The following SHISA9 variants were observed in gnomAD, a reference collection of about 807,000 sequenced individuals.
SHISA9 encodes shisa family member 9.
Under a neutral mutation model 38.0 loss-of-function variants are expected in SHISA9, and 13 were observed. That is an observed-to-expected ratio of 0.34 (90% confidence interval 0.22 to 0.54). SHISA9 has a LOEUF of 0.54. SHISA9 is among the 20% of genes least tolerant of loss of function. The pLI is 0.91. For synonymous variants in SHISA9, 275 were observed against 242.0 expected (o/e 1.14, Z -1.27); for missense variants, 538 against 575.8 (o/e 0.93, Z 0.67).
At chr16:12,950,576 CA>C (rs1427530251) in intron 2 of SHISA9, among the ~76,000 whole-genome samples, 1 of 150,302 alleles carries the variant, frequency 6.7e-6, no homozygotes, top group African/African-American at 2.4e-5. Flanking sequence ...GGAGGTTCCT[CA>C]AAAAACGAAA....
chr16:13,396,642 G>T, the SHISA9 span, among the ~76,000 whole-genome samples: 27 of 152,320 alleles, frequency 1.8e-4, no homozygotes, highest in Admixed American at 5.9e-4. Context: ...CATGTGGATT[G>T]TATTCCTTAT....
chr16:13,269,628 T>G, the SHISA9 span, among the ~76,000 whole-genome samples: 1 of 151,956 alleles, frequency 6.6e-6, no homozygotes, highest in Non-Finnish European at 1.5e-5. Context: ...ATAAAGGAGG[T>G]AAACAAAAAT....
the SHISA9 span, among the ~76,000 whole-genome samples, chr16:13,447,674 G>T: frequency 6.6e-6 from 1 of 152,158 alleles, no homozygotes; most frequent in Non-Finnish European, 1.5e-5. Flanking sequence ...GCAAATCATG[G>T]AATAAACACA....
At chr16:13,403,528 T>A in the SHISA9 span, among the ~76,000 whole-genome samples, 1 of 152,212 alleles carries the variant, frequency 6.6e-6, no homozygotes, top group Non-Finnish European at 1.5e-5. Flanking sequence ...CCATGTGGAA[T>A]GTTATCCCTA....
chr16:13,155,512 G>A (rs972762073), intron 2 of SHISA9, among the ~76,000 whole-genome samples: 5 of 152,138 alleles, frequency 3.3e-5, no homozygotes, highest in African/African-American at 9.7e-5. Context: ...GATAATTTCA[G>A]TCTCCTCATT....
the SHISA9 span, among the ~76,000 whole-genome samples, chr16:13,317,333 T>C: frequency 1.3e-5 from 2 of 152,154 alleles, no homozygotes; most frequent in Non-Finnish European, 2.9e-5. Context: ...GAGTCAACAT[T>C]TCAGGACAGA....
intron 2 of SHISA9, among the ~76,000 whole-genome samples, chr16:13,096,694 A>C (rs2141953324): frequency 6.6e-6 from 1 of 152,318 alleles, no homozygotes; most frequent in South Asian, 2.1e-4. Flanking sequence ...CTATCTTGGA[A>C]GTTTAATTCA....
At chr16:13,439,383 C>G in the SHISA9 span, among the ~76,000 whole-genome samples, 1 of 152,188 alleles carries the variant, frequency 6.6e-6, no homozygotes, top group Non-Finnish European at 1.5e-5. Flanking sequence ...CACACACACA[C>G]ACATAACTAT....
At chr16:13,361,246 C>T in the SHISA9 span, among the ~76,000 whole-genome samples, 1 of 152,180 alleles carries the variant, frequency 6.6e-6, no homozygotes, top group Non-Finnish European at 1.5e-5. Context: ...GTTGCTCGCT[C>T]TCTAGAGCTA....
chr16:13,215,500 A>C (rs1245710944), intron 4 of SHISA9, among the ~76,000 whole-genome samples: 1 of 152,170 alleles, frequency 6.6e-6, no homozygotes, highest in African/African-American at 2.4e-5. Context: ...CAGACCTCCT[A>C]ATTTGAGGCA....
At chr16:13,228,169 C>A (rs2051297373) in intron 4 of SHISA9, among the ~76,000 whole-genome samples, 1 of 152,188 alleles carries the variant, frequency 6.6e-6, no homozygotes, top group South Asian at 2.1e-4. Flanking sequence ...AGATCTGTCT[C>A]ATTCCAGAGC....
At chr16:13,058,582 C>T (rs369290858) in intron 2 of SHISA9, among the ~76,000 whole-genome samples, 6 of 152,278 alleles carry the variant, frequency 3.9e-5, no homozygotes, top group African/African-American at 1.4e-4. Context: ...GGGTGGAGCT[C>T]AGAATAAAAT....
chr16:13,140,683 A>G (rs1284521151), intron 2 of SHISA9, among the ~76,000 whole-genome samples: 2 of 152,244 alleles, frequency 1.3e-5, no homozygotes, highest in Non-Finnish European at 2.9e-5. Flanking sequence ...TAAACATGTG[A>G]ATAGATCAGT....
the SHISA9 span, among the ~76,000 whole-genome samples, chr16:13,456,439 G>C: frequency 3.3e-5 from 5 of 152,200 alleles, no homozygotes; most frequent in Non-Finnish European, 7.3e-5. Flanking sequence ...ATTTTGGACA[G>C]AGAAATGAAT....
intron 1 of SHISA9, among the ~76,000 whole-genome samples, chr16:12,904,709 G>C (rs191651543): frequency 1.3e-5 from 2 of 152,148 alleles, no homozygotes; most frequent in Non-Finnish European, 2.9e-5. Flanking sequence ...CTCCCGAAAA[G>C]AGAGTTGTTG....
At chr16:13,190,347 G>C (rs996458547) in intron 2 of SHISA9, among the ~76,000 whole-genome samples, 1 of 151,388 alleles carries the variant, frequency 6.6e-6, no homozygotes, top group Admixed American at 6.6e-5. Context: ...TTAGTCTTTA[G>C]AATGATGATG....
chr16:12,941,690 T>C (rs1246725338), intron 2 of SHISA9, among the ~76,000 whole-genome samples: 1 of 152,092 alleles, frequency 6.6e-6, no homozygotes, highest in East Asian at 1.9e-4. Flanking sequence ...CCATCTCTAC[T>C]AAAAATACAA....
intron 2 of SHISA9, among the ~76,000 whole-genome samples, chr16:13,000,990 T>C (rs72782692): frequency 0.14 from 21,366 of 152,150 alleles, 1,581 homozygotes; most frequent in East Asian, 0.17. Flanking sequence ...AGGGCAGTGT[T>C]GCAATTGGCT....
Position 12,929,291 on chromosome 16 carries a change from A to G in SHISA9, c.691+12476A>G, listed in dbSNP as rs566025067. ...TGACCCAGCAATTTTATTACTGGGT[A>G]TACACCCAAAGGAATATAAATCATT... On this transcript the variant is annotated intron_variant, in intron 2 of 4. Coordinates refer to ENST00000558583, the MANE Select transcript of SHISA9 (RefSeq NM_001145204.3). Among the ~76,000 whole-genome samples, 11 of 152,326 alleles carry G rather than the reference A, an allele frequency of 7.2e-5. No individual in the cohort carries two copies. The East Asian group carries it at 1.7e-3, about 24-fold the overall frequency.
Sources: allele counts gnomAD v4.1 joint callset (sites outside exome capture counted in the v4.1 genomes callset), GRCh38; gene constraint gnomAD v4.1.1; transcripts MANE v1.5; gene names NCBI Gene and HGNC (gene_info 2026-07-23, HGNC 2026-07-21).